The following PINX1 variants were observed in gnomAD, a reference collection of about 807,000 sequenced individuals.
The protein encoded by PINX1 is PIN2 (TERF1) interacting telomerase inhibitor 1, also known as PIN2/TERF1-interacting telomerase inhibitor 1.
In PINX1, 34 loss-of-function variants were observed where a neutral mutation model predicts 25.4. That is an observed-to-expected ratio of 1.34 (90% confidence interval 1.02 to 1.78). The LOEUF (loss-of-function observed/expected upper bound fraction) is 1.78, where lower values mean the gene tolerates loss of function less well. Ranked by LOEUF, PINX1 falls within the 40% of genes most tolerant of loss-of-function variation. The pLI is 0.00. For synonymous variants in PINX1, 197 were observed against 147.7 expected, an observed-to-expected ratio of 1.33 and a Z score of -2.42; for missense variants, 592 against 404.9, an observed-to-expected ratio of 1.46 and a Z score of -3.97.
At chr8:10,771,231 G>T (rs1399068586) in intron 6 of PINX1, 2 of 152,136 alleles carry the variant, frequency 1.3e-5, no homozygotes, top group African/African-American at 4.8e-5. Flanking sequence ...CAAAACAAAG[G>T]GATTGTGGAG....
intron 5 of PINX1, among the ~76,000 whole-genome samples, chr8:10,822,838 G>T (rs888740403): frequency 6.6e-6 from 1 of 152,148 alleles, no homozygotes; most frequent in African/African-American, 2.4e-5. Context: ...TGAAGGGCAA[G>T]GAATATGTTT....
intron 4 of PINX1, among the ~76,000 whole-genome samples, chr8:10,827,305 G>A (rs560544382): frequency 2.0e-5 from 3 of 152,160 alleles, no homozygotes; most frequent in Non-Finnish European, 4.4e-5. Context: ...ACCTTTTCAG[G>A]GTTTCGGGAA....
intron 6 of PINX1, among the ~76,000 whole-genome samples, chr8:10,805,611 G>A (rs1343294348): frequency 1.7e-5 from 2 of 115,800 alleles, no homozygotes; most frequent in Non-Finnish European, 3.5e-5. Context: ...CCACACTAGC[G>A]CTGAGTGGGT....
chr8:10,800,793 T>C (rs182742564), intron 6 of PINX1, among the ~76,000 whole-genome samples: 12 of 152,334 alleles, frequency 7.9e-5, no homozygotes, highest in African/African-American at 2.4e-4. Flanking sequence ...AATTTCTTAA[T>C]GTTACACTAG....
chr8:10,801,982 A>G (rs1266182076), intron 6 of PINX1, among the ~76,000 whole-genome samples: 5 of 152,150 alleles, frequency 3.3e-5, no homozygotes, highest in Non-Finnish European at 7.3e-5. Context: ...CCATCCCCGC[A>G]ATGGAGAAGC....
chr8:10,786,508 G>A (rs1018128245), intron 6 of PINX1, among the ~76,000 whole-genome samples: 16 of 152,164 alleles, frequency 1.1e-4, no homozygotes, highest in Admixed American at 4.6e-4. Context: ...AAGTCTCAGC[G>A]TGGCTGCAGC....
rs12375394 is a variant in PINX1 at position 10,831,702 on chromosome 8, C to T, written c.264G>A (p.Leu88=). ...IAHQDDFNQL[L]AELNTCHGQE... ...GCCCATGGCAAGTGTTCAGTTCGGC[C>T]AGAAGCTGGTTAAAATCATCCTGAT... The change falls in exon 4 of 7, where the codon CTG becomes CTA. Residue 88 remains leucine (L), a synonymous_variant. Transcript: ENST00000314787. 0.2 allele frequency: 325,739 copies of T among 1,598,794 alleles called. 36,513 individuals carry two copies. Among genetic ancestry groups the T allele is most frequent in the Non-Finnish European group, 0.23 (268,634 of 1,169,764 alleles).
chr8:10,817,498 C>T (rs149995128), intron 6 of PINX1, among the ~76,000 whole-genome samples: 13 of 152,298 alleles, frequency 8.5e-5, no homozygotes, highest in African/African-American at 3.1e-4. Flanking sequence ...AACATATGAA[C>T]ATCCACAAGG....
At chr8:10,782,342 T>C (rs1481949533) in intron 6 of PINX1, among the ~76,000 whole-genome samples, 1 of 152,174 alleles carries the variant, frequency 6.6e-6, no homozygotes. Flanking sequence ...ACACCTGCTC[T>C]TGCCATGAAG....
intron 6 of PINX1, among the ~76,000 whole-genome samples, chr8:10,778,331 T>C (rs565692909): frequency 6.6e-6 from 1 of 152,218 alleles, no homozygotes; most frequent in East Asian, 1.9e-4. Context: ...TATGCTAAAT[T>C]GATATTCCAG....
intron 6 of PINX1, among the ~76,000 whole-genome samples, chr8:10,776,454 CAAACAAACAAACAAAT>C (rs1188539062): frequency 7.4e-6 from 1 of 134,678 alleles, no homozygotes; most frequent in African/African-American, 2.6e-5. Flanking sequence ...AATAAACAAA[CAAACAAACAAACAAAT>C]AAAAATTGGT....
At chr8:10,781,880 G>C (rs888317814) in intron 6 of PINX1, among the ~76,000 whole-genome samples, 1 of 152,186 alleles carries the variant, frequency 6.6e-6, no homozygotes, top group Non-Finnish European at 1.5e-5. Flanking sequence ...GATGCCTGCA[G>C]TCCCATGTTC....
intron 6 of PINX1, among the ~76,000 whole-genome samples, chr8:10,767,710 C>T (rs956623015): frequency 3.3e-5 from 5 of 152,310 alleles, no homozygotes; most frequent in East Asian, 1.9e-4. Flanking sequence ...CTCCCAAAGA[C>T]GGGCACCCTC....
chr8:10,789,263 G>A (rs1159040763), intron 6 of PINX1, among the ~76,000 whole-genome samples: 1 of 152,208 alleles, frequency 6.6e-6, no homozygotes, highest in Non-Finnish European at 1.5e-5. Context: ...GAGCCATGCT[G>A]GACGAGCATC....
chr8:10,807,962 A>G (rs943541581), intron 6 of PINX1, among the ~76,000 whole-genome samples: 3 of 152,232 alleles, frequency 2.0e-5, no homozygotes, highest in Non-Finnish European at 4.4e-5. Flanking sequence ...GATGCAGCTG[A>G]CACACTGAAA....
At chr8:10,794,677 C>T (rs1476121718) in intron 6 of PINX1, among the ~76,000 whole-genome samples, 1 of 152,116 alleles carries the variant, frequency 6.6e-6, no homozygotes, top group African/African-American at 2.4e-5. Context: ...CGTCCGATCA[C>T]GAGGCTTCCC....
chr8:10,827,105 G>A (rs929180348), intron 4 of PINX1, among the ~76,000 whole-genome samples: 3 of 152,142 alleles, frequency 2.0e-5, no homozygotes, highest in African/African-American at 7.2e-5. Flanking sequence ...TCTCCACCCT[G>A]GGAGAACAGG....
intron 6 of PINX1, among the ~76,000 whole-genome samples, chr8:10,775,173 TGTAA>T (rs1458213011): frequency 1.3e-5 from 2 of 152,192 alleles, no homozygotes; most frequent in African/African-American, 2.4e-5. Flanking sequence ...TTACACAAGC[TGTAA>T]GTTTTTATTT....
chr8:10,827,701 T>G (rs990553084), intron 4 of PINX1, among the ~76,000 whole-genome samples: 5 of 150,864 alleles, frequency 3.3e-5, no homozygotes, highest in African/African-American at 1.2e-4. Context: ...GGTCAGGAGA[T>G]CGACACCATC....
Sources: allele counts gnomAD v4.1 joint callset (sites outside exome capture counted in the v4.1 genomes callset), GRCh38; gene constraint gnomAD v4.1.1; transcripts MANE v1.5; gene names NCBI Gene and HGNC (gene_info 2026-07-23, HGNC 2026-07-21).